Variants in RCAN2 observed in about 807,000 individuals in gnomAD.
RCAN2 encodes the protein calcipressin-2.
RCAN2 carries 9 observed loss-of-function variants against 23.6 expected under a neutral mutation model. That is an observed-to-expected ratio of 0.38 (90% CI 0.23 to 0.67). The LOEUF is 0.67. Ranked by LOEUF, RCAN2 falls within the 30% of genes least tolerant of loss-of-function variation. The pLI is 0.51. For synonymous variants in RCAN2, 109 were observed against 115.7 expected (o/e 0.94, Z 0.37); for missense variants, 273 against 302.3 (o/e 0.90, Z 0.72).
chr6:46,374,436 A>G (rs1208446381), intron 2 of RCAN2, among the ~76,000 whole-genome samples: 1 of 152,166 alleles, frequency 6.6e-6, no homozygotes, highest in Admixed American at 6.5e-5. Context: ...ATCATTTTTT[A>G]TATTTCCTTA....
intron 2 of RCAN2, among the ~76,000 whole-genome samples, chr6:46,349,137 G>T (rs546965407): frequency 6.6e-6 from 1 of 152,218 alleles, no homozygotes; most frequent in East Asian, 1.9e-4. Flanking sequence ...TAACTTACTT[G>T]TTTCACAGCT....
chr6:46,248,995 T>C (rs1766616952), intron 2 of RCAN2, 99 bp from the exon 3 acceptor site: 1 of 810,074 alleles, frequency 1.2e-6, no homozygotes, highest in Non-Finnish European at 1.9e-6. Flanking sequence ...AATAGGCTGT[T>C]AATAACATAT....
At chr6:46,347,270 A>T (rs1479193323) in intron 2 of RCAN2, among the ~76,000 whole-genome samples, 2 of 152,218 alleles carry the variant, frequency 1.3e-5, no homozygotes, top group African/African-American at 4.8e-5. Context: ...AATCAGTCCT[A>T]TGCCTGCATT....
intron 1 of RCAN2, among the ~76,000 whole-genome samples, chr6:46,465,366 A>C (rs1159072510): frequency 6.6e-6 from 1 of 152,230 alleles, no homozygotes; most frequent in African/African-American, 2.4e-5. Context: ...TCTCACAGGA[A>C]ACAGACAGCA....
At chr6:46,414,261 C>T (rs1766637060) in intron 2 of RCAN2, among the ~76,000 whole-genome samples, 1 of 152,122 alleles carries the variant, frequency 6.6e-6, no homozygotes, top group African/African-American at 2.4e-5. Flanking sequence ...ACAATAGCTG[C>T]CATTAGTGTA....
chr6:46,479,482 C>T (rs1264963439), intron 1 of RCAN2, among the ~76,000 whole-genome samples: 4 of 151,988 alleles, frequency 2.6e-5, no homozygotes, highest in South Asian at 4.1e-4. Flanking sequence ...CTAAAAGTAA[C>T]CCTCCATTTT....
chr6:46,344,752 T>TA (rs985944838), intron 2 of RCAN2, among the ~76,000 whole-genome samples: 7 of 151,352 alleles, frequency 4.6e-5, no homozygotes, highest in South Asian at 2.1e-4. Flanking sequence ...AATGGAATAC[T>TA]AAAAAAAATG....
At chr6:46,482,081 G>C (rs1768877470) in intron 1 of RCAN2, among the ~76,000 whole-genome samples, 1 of 151,820 alleles carries the variant, frequency 6.6e-6, no homozygotes, top group African/African-American at 2.4e-5. Context: ...AAAACACTTG[G>C]GGAAAAAACT....
At chr6:46,377,560 T>C (rs1183772959) in intron 2 of RCAN2, among the ~76,000 whole-genome samples, 4 of 152,244 alleles carry the variant, frequency 2.6e-5, no homozygotes, top group Non-Finnish European at 5.9e-5. Context: ...GCTGTCTTTT[T>C]CTGGCAGACA....
At chr6:46,470,962 C>T (rs1056808932) in intron 1 of RCAN2, among the ~76,000 whole-genome samples, 1 of 152,202 alleles carries the variant, frequency 6.6e-6, no homozygotes, top group African/African-American at 2.4e-5. Flanking sequence ...CACAGATACC[C>T]TTCAGAGTAT....
chr6:46,434,438 G>T (rs1767309779), intron 2 of RCAN2, among the ~76,000 whole-genome samples: 2 of 151,804 alleles, frequency 1.3e-5, no homozygotes, highest in South Asian at 4.2e-4. Flanking sequence ...AGTTTTTTTT[G>T]GAATGAGGAA....
intron 4 of RCAN2, among the ~76,000 whole-genome samples, chr6:46,242,620 C>A (rs182696844): frequency 6.6e-6 from 1 of 152,124 alleles, no homozygotes; most frequent in Non-Finnish European, 1.5e-5. Flanking sequence ...TGTTTCTGTA[C>A]TTCTGGAACT....
At chr6:46,276,087 T>A (rs977611132) in intron 2 of RCAN2, among the ~76,000 whole-genome samples, 2 of 152,160 alleles carry the variant, frequency 1.3e-5, no homozygotes, top group African/African-American at 4.8e-5. Flanking sequence ...GCACCTGTAG[T>A]GCCAGCTACT....
At chr6:46,246,667 G>T in intron 4 of RCAN2, 81 bp downstream of exon 4, 1 of 1,178,050 alleles carries the variant, frequency 8.5e-7, no homozygotes, top group South Asian at 1.3e-5. Context: ...TGTGAACCCA[G>T]GATCTCAAGG....
chr6:46,405,346 C>T (rs1377005801), intron 2 of RCAN2, among the ~76,000 whole-genome samples: 1 of 152,070 alleles, frequency 6.6e-6, no homozygotes, highest in East Asian at 1.9e-4. Flanking sequence ...GGAAGGGGAC[C>T]CGAGCGGGTT....
chr6:46,279,119 G>A (rs1767815230), intron 2 of RCAN2, among the ~76,000 whole-genome samples: 1 of 150,022 alleles, frequency 6.7e-6, no homozygotes, highest in Non-Finnish European at 1.5e-5. Flanking sequence ...TTGGTGTAAT[G>A]TGAGAATTCA....
intron 2 of RCAN2, among the ~76,000 whole-genome samples, chr6:46,323,214 A>G (rs1401555523): frequency 6.6e-6 from 1 of 152,160 alleles, no homozygotes; most frequent in Non-Finnish European, 1.5e-5. Context: ...AAAGATGACA[A>G]TGATGACGAT....
intron 1 of RCAN2, among the ~76,000 whole-genome samples, chr6:46,467,442 T>C (rs535753608): frequency 4.0e-4 from 61 of 152,376 alleles, no homozygotes; most frequent in Non-Finnish European, 6.6e-4. Context: ...GGACACACCA[T>C]GAGTGTTCAG....
At chr6:46,462,717 C>T (rs1486571141) in intron 1 of RCAN2, among the ~76,000 whole-genome samples, 3 of 152,172 alleles carry the variant, frequency 2.0e-5, no homozygotes, top group Non-Finnish European at 4.4e-5. Context: ...TAATTTCTTT[C>T]CTGACAAATG....
Sources: gnomAD v4.1 joint callset for allele counts (sites outside exome capture counted in the v4.1 genomes callset) on GRCh38, gnomAD v4.1.1 for gene constraint, MANE v1.5 for transcripts, NCBI Gene and HGNC (gene_info 2026-07-23, HGNC 2026-07-21) for gene names.